Variants in RIMBP2 observed in about 807,000 individuals in gnomAD.
The protein encoded by RIMBP2 is RIMS-binding protein 2.
A neutral mutation model predicts 118.6 loss-of-function variants in RIMBP2; 48 were observed. The observed-to-expected ratio is 0.40, with a 90% confidence interval of 0.32 to 0.51. The LOEUF (loss-of-function observed/expected upper bound fraction) is 0.51. RIMBP2 is among the 20% of genes least tolerant of loss of function. RIMBP2 has a pLI of 0.41. For synonymous variants in RIMBP2, 762 were observed against 742.9 expected, an observed-to-expected ratio of 1.03 and a Z score of -0.42; for missense variants, 1,551 against 1,768.3, an observed-to-expected ratio of 0.88 and a Z score of 2.20.
chr12:130,526,604 C>G (rs569343601), intron 2 of RIMBP2, among the ~76,000 whole-genome samples: 9 of 152,258 alleles, frequency 5.9e-5, no homozygotes, highest in African/African-American at 1.2e-4. Context: ...TCTGCTCATT[C>G]ATTTTGGCCT....
chr12:130,656,941 A>C (rs1011230057), intron 1 of RIMBP2, among the ~76,000 whole-genome samples: 2 of 152,202 alleles, frequency 1.3e-5, no homozygotes, highest in Non-Finnish European at 2.9e-5. Context: ...TCTTTCACCC[A>C]GGCAGGAGTG....
chr12:130,596,958 C>A (rs1362211288), intron 2 of RIMBP2, among the ~76,000 whole-genome samples: 2 of 152,128 alleles, frequency 1.3e-5, no homozygotes, highest in African/African-American at 4.8e-5. Flanking sequence ...ATAGTTAAAG[C>A]CTTCATACAA....
In RIMBP2 at chr12:130,450,407, A is replaced by C; in HGVS notation, c.505-131T>G. 1 of 686,122 alleles carries C rather than the reference A, an allele frequency of 1.5e-6. No homozygotes were observed. Among genetic ancestry groups the C allele is most frequent in the East Asian group, 2.8e-5 (1 of 35,184 alleles). The allele number at this position is 686,122 out of a possible 1,614,324, so 42.5% of individuals were successfully genotyped here. A position where few individuals can be genotyped will look rare whatever the true frequency, so the allele number is the denominator to read the frequency against. On this transcript the variant is annotated intron_variant, in intron 8 of 22. Transcript: ENST00000690449. This position sits in a 1 kb window ranked among gnomAD's most constrained non-coding sequence, Gnocchi z 4.8. ...GACGGCCTGAGACTGTGGCACTCCC[A>C]GGAGGCACTGCCACCCGCACACCCA...
chr12:130,695,695 G>T (rs1488826869), intron 1 of RIMBP2, among the ~76,000 whole-genome samples: 1 of 152,094 alleles, frequency 6.6e-6, no homozygotes, highest in Non-Finnish European at 1.5e-5. Flanking sequence ...TTTCTGAGTG[G>T]CAACCGACCA....
intron 2 of RIMBP2, among the ~76,000 whole-genome samples, chr12:130,532,941 G>A (rs1374870082): frequency 5.4e-5 from 8 of 149,340 alleles, no homozygotes; most frequent in East Asian, 2.0e-4. Flanking sequence ...TAGGAGGGAC[G>A]TCTAATGAGA....
chr12:130,664,974 G>A (rs903346193), intron 1 of RIMBP2, among the ~76,000 whole-genome samples: 3 of 151,602 alleles, frequency 2.0e-5, no homozygotes, highest in African/African-American at 4.9e-5. Flanking sequence ...ACAGCGAGCT[G>A]TCTGGACCAG....
chr12:130,460,600 G>C (rs183629019), intron 6 of RIMBP2, among the ~76,000 whole-genome samples: 1 of 152,262 alleles, frequency 6.6e-6, no homozygotes, highest in East Asian at 1.9e-4. Flanking sequence ...AGTAGCAACA[G>C]TATCATTATT....
At chr12:130,585,075 A>T (rs533297184) in intron 2 of RIMBP2, among the ~76,000 whole-genome samples, 2 of 152,106 alleles carry the variant, frequency 1.3e-5, no homozygotes, top group Non-Finnish European at 2.9e-5. Context: ...GTCTTTGTAG[A>T]GATGAGGTCT....
At chr12:130,496,691 A>G (rs1405080958) in intron 4 of RIMBP2, among the ~76,000 whole-genome samples, 3 of 152,104 alleles carry the variant, frequency 2.0e-5, no homozygotes, top group African/African-American at 7.2e-5. Flanking sequence ...AAGTGACCAC[A>G]TGATGGTTTC....
At chr12:130,493,162 A>C (rs2048803880) in intron 4 of RIMBP2, among the ~76,000 whole-genome samples, 1 of 151,402 alleles carries the variant, frequency 6.6e-6, no homozygotes, top group Admixed American at 6.6e-5. Context: ...ACAAAAAAAC[A>C]AAGTGACCTG....
chr12:130,400,341 A>G (rs1389358902), intron 21 of RIMBP2, among the ~76,000 whole-genome samples: 1 of 152,200 alleles, frequency 6.6e-6, no homozygotes, highest in Non-Finnish European at 1.5e-5. Flanking sequence ...ACATTCAAAC[A>G]ATATGGAGAA....
At chr12:130,579,969 G>A (rs1005010935) in intron 2 of RIMBP2, among the ~76,000 whole-genome samples, 1 of 149,540 alleles carries the variant, frequency 6.7e-6, no homozygotes, top group Non-Finnish European at 1.5e-5. Flanking sequence ...GATCACCTGA[G>A]GTCAGGAGTT....
intron 3 of RIMBP2, among the ~76,000 whole-genome samples, chr12:130,509,038 TGACCCCC>T (rs927343094): frequency 4.6e-5 from 7 of 152,110 alleles, no homozygotes; most frequent in South Asian, 2.1e-4. Flanking sequence ...TGGATCAGCA[TGACCCCC>T]GGCCCCCGGC....
intron 1 of RIMBP2, among the ~76,000 whole-genome samples, chr12:130,686,040 G>A (rs2065026869): frequency 6.6e-6 from 1 of 151,966 alleles, no homozygotes; most frequent in South Asian, 2.1e-4. Context: ...CCTTGCCACC[G>A]TGGCCCCAGC....
intron 3 of RIMBP2, among the ~76,000 whole-genome samples, chr12:130,516,858 A>G (rs957251969): frequency 6.6e-6 from 1 of 152,190 alleles, no homozygotes; most frequent in African/African-American, 2.4e-5. Context: ...TCCAGTTGCC[A>G]TAGGGAAAAG....
At chr12:130,605,197 A>G (rs1025178570) in intron 2 of RIMBP2, among the ~76,000 whole-genome samples, 5 of 152,224 alleles carry the variant, frequency 3.3e-5, no homozygotes, top group Non-Finnish European at 7.3e-5. Context: ...GGAAAGATAC[A>G]TACTATCCTA....
rs1338297836 is a variant in RIMBP2, at chr12:130,620,816, G to C, written c.-217+7506C>G. ...GTCTCCAAGTAAGATCACATTTTGAGGGGGCTGGGCCTCCAACATTCTTTT... is the reference window on the plus strand; with the variant it reads ...GTCTCCAAGTAAGATCACATTTTGACGGGGCTGGGCCTCCAACATTCTTTT... On this transcript the variant is annotated intron_variant, in intron 2 of 22. Transcript: ENST00000690449. The surrounding 1 kb of genome is among the most constrained non-coding windows in gnomAD (Gnocchi z 5.3). Among the ~76,000 whole-genome samples the C allele has an allele frequency of 2.1e-4, 32 of 152,174 alleles. No homozygotes were observed. Among genetic ancestry groups the C allele is most frequent in the Admixed American group, 2.0e-3 (31 of 15,286 alleles).
At chr12:130,535,982 T>C (rs1243736608) in intron 2 of RIMBP2, among the ~76,000 whole-genome samples, 1 of 151,584 alleles carries the variant, frequency 6.6e-6, no homozygotes, top group African/African-American at 2.4e-5. Context: ...AGAGACGGGG[T>C]TTCACCAAGT....
intron 2 of RIMBP2, among the ~76,000 whole-genome samples, chr12:130,575,375 G>C (rs896365929): frequency 6.6e-6 from 1 of 151,860 alleles, no homozygotes; most frequent in African/African-American, 2.4e-5. Context: ...TTGCTGCTAT[G>C]GTGTGAGTTA....
Sources: allele counts gnomAD v4.1 joint callset (sites outside exome capture counted in the v4.1 genomes callset), GRCh38; gene constraint gnomAD v4.1.1; non-coding constraint Gnocchi (gnomAD v3.1); transcripts MANE v1.5; gene names NCBI Gene and HGNC (gene_info 2026-07-23, HGNC 2026-07-21).